SLC30A8: variants seen among roughly 807,000 people sequenced by gnomAD.
SLC30A8 encodes proton-coupled zinc antiporter SLC30A8.
A neutral mutation model predicts 36.9 loss-of-function variants in SLC30A8; 27 were observed. That is an observed-to-expected ratio of 0.73 (90% CI 0.54 to 1.01). The LOEUF is 1.01. SLC30A8 is among the 50% of genes least tolerant of loss of function. The pLI is 0.00. For missense variants in SLC30A8, 439 were observed against 452.0 expected (o/e 0.97, Z 0.26); for synonymous variants, 164 against 172.4 (o/e 0.95, Z 0.38).
At chr8:117,163,649 G>GAAAA (rs1176584737) in intron 6 of SLC30A8, 119 bp downstream of exon 6, 2 of 727,944 alleles carry the variant, frequency 2.7e-6, no homozygotes, top group African/African-American at 3.6e-5. Context: ...AATTTAAAGT[G>GAAAA]AAAAGGAATT....
intron 1 of SLC30A8, among the ~76,000 whole-genome samples, chr8:117,012,277 C>CT (rs2130706567): frequency 6.6e-6 from 1 of 152,018 alleles, no homozygotes; most frequent in Admixed American, 6.5e-5. Context: ...TGTACATTTT[C>CT]TTTTGTTCAA....
intron 1 of SLC30A8, among the ~76,000 whole-genome samples, chr8:116,972,281 T>C (rs1762513471): frequency 6.6e-6 from 1 of 152,236 alleles, no homozygotes; most frequent in Admixed American, 6.5e-5. Flanking sequence ...CTGAAAAGGC[T>C]GTCTGGGCAC....
At chr8:117,114,722 C>CTT (rs35175779) in intron 2 of SLC30A8, among the ~76,000 whole-genome samples, 34,734 of 151,892 alleles carry the variant, frequency 0.23, 4,114 homozygotes, top group East Asian at 0.33. Context: ...AAAAGCCACT[C>CTT]TTGTAGGTTA....
chr8:116,999,535 C>T (rs1420983333), intron 1 of SLC30A8, among the ~76,000 whole-genome samples: 2 of 152,166 alleles, frequency 1.3e-5, no homozygotes, highest in African/African-American at 4.8e-5. Context: ...AATGACACTG[C>T]AACCATGAAT....
chr8:117,153,252 A>G (rs1302813194), intron 3 of SLC30A8, among the ~76,000 whole-genome samples, 162 bp downstream of exon 3: 1 of 152,202 alleles, frequency 6.6e-6, no homozygotes, highest in Admixed American at 6.5e-5. Flanking sequence ...TGTGTTTTCA[A>G]TATTAATTCA....
intron 2 of SLC30A8, among the ~76,000 whole-genome samples, chr8:117,071,402 T>C (rs1254082616): frequency 2.0e-5 from 3 of 152,206 alleles, no homozygotes; most frequent in Non-Finnish European, 4.4e-5. Context: ...TTGGTTGTTT[T>C]CTTGCTATTA....
chr8:117,140,539 G>A (rs1200282342), intron 1 of SLC30A8, among the ~76,000 whole-genome samples: 2 of 152,056 alleles, frequency 1.3e-5, no homozygotes, highest in Non-Finnish European at 2.9e-5. Context: ...AGAGCATCCT[G>A]ATCAGATTAA....
chr8:116,977,203 C>T (rs569515871), intron 1 of SLC30A8, among the ~76,000 whole-genome samples: 8 of 116,994 alleles, frequency 6.8e-5, no homozygotes, highest in African/African-American at 2.7e-4. Context: ...GGCTGGAGTG[C>T]AGTGGCACGA....
chr8:116,969,099 T>C (rs2130612046), intron 1 of SLC30A8, among the ~76,000 whole-genome samples: 1 of 152,292 alleles, frequency 6.6e-6, no homozygotes, highest in South Asian at 2.1e-4. Flanking sequence ...CCTGGGTTTG[T>C]ATCCCACCTC....
At chr8:117,058,752 A>G (rs932750804) in intron 2 of SLC30A8, among the ~76,000 whole-genome samples, 6 of 152,208 alleles carry the variant, frequency 3.9e-5, no homozygotes, top group African/African-American at 1.2e-4. Context: ...TGTGGCACAC[A>G]AAAGTTATAT....
At chr8:117,143,399 C>G (rs1479916080) in intron 1 of SLC30A8, among the ~76,000 whole-genome samples, 1 of 152,004 alleles carries the variant, frequency 6.6e-6, no homozygotes, top group African/African-American at 2.4e-5. Context: ...TGGGAATCTT[C>G]CAGGATTTAT....
At chr8:117,157,103 T>C (rs892647513) in intron 3 of SLC30A8, among the ~76,000 whole-genome samples, 1 of 152,240 alleles carries the variant, frequency 6.6e-6, no homozygotes, top group Admixed American at 6.5e-5. Context: ...TCTATTCTGA[T>C]GCTTCTTTTT....
chr8:116,957,870 C>T (rs1397670996), intron 1 of SLC30A8, among the ~76,000 whole-genome samples: 2 of 152,138 alleles, frequency 1.3e-5, no homozygotes, highest in Non-Finnish European at 2.9e-5. Flanking sequence ...AGCCATGCAC[C>T]AGCTTTTTCC....
chr8:117,101,447 G>T (rs914512644), intron 2 of SLC30A8, among the ~76,000 whole-genome samples: 1 of 152,128 alleles, frequency 6.6e-6, no homozygotes, highest in East Asian at 1.9e-4. Flanking sequence ...TTTACATACT[G>T]CCTGTGATCA....
At chr8:116,971,397 G>A (rs1358436793) in intron 1 of SLC30A8, among the ~76,000 whole-genome samples, 1 of 151,554 alleles carries the variant, frequency 6.6e-6, no homozygotes, top group African/African-American at 2.4e-5. Flanking sequence ...TACACAATTC[G>A]ATTGCTCCAT....
At chr8:117,029,986 G>A (rs1477081738) in intron 1 of SLC30A8, among the ~76,000 whole-genome samples, 1 of 152,062 alleles carries the variant, frequency 6.6e-6, no homozygotes, top group Admixed American at 6.6e-5. Context: ...AAGAACCTGT[G>A]CCTAATTTTT....
In SLC30A8 at chr8:116,961,750, G is replaced by C. The variant is rs143435678; in HGVS notation, c.-266+10631G>C. Among the ~76,000 whole-genome samples the C allele has an allele frequency of 2.0e-5, 3 of 152,058 alleles. No individual in the cohort carries two copies. The East Asian group carries it at 5.8e-4, about 29-fold the overall frequency. Reference sequence around the variant, plus strand: ...ATGCTATGTCCTGACTTGCTAAAAGGGAGAAGGGTAAGAGAGAGAGAGCAC... The same window carrying C: ...ATGCTATGTCCTGACTTGCTAAAAGCGAGAAGGGTAAGAGAGAGAGAGCAC... On this transcript the variant is annotated intron_variant, in intron 1 of 10. Coordinates refer to the SLC30A8 transcript ENST00000427715.
chr8:117,017,512 A>G (rs1397428654), intron 1 of SLC30A8, among the ~76,000 whole-genome samples: 1 of 152,192 alleles, frequency 6.6e-6, no homozygotes, highest in African/African-American at 2.4e-5. Flanking sequence ...TTTTGGCCCA[A>G]TAGAAGCAAG....
intron 2 of SLC30A8, among the ~76,000 whole-genome samples, chr8:117,087,911 A>AGGGGAGAT (rs913526180): frequency 6.6e-6 from 1 of 152,094 alleles, no homozygotes; most frequent in Non-Finnish European, 1.5e-5. Flanking sequence ...CTTACCCTGA[A>AGGGGAGAT]GGGGAGATGG....
Sources: gnomAD v4.1 joint callset for allele counts (sites outside exome capture counted in the v4.1 genomes callset) on GRCh38, gnomAD v4.1.1 for gene constraint, MANE v1.5 for transcripts, NCBI Gene and HGNC (gene_info 2026-07-23, HGNC 2026-07-21) for gene names.